Variants in GALNT13 observed in about 807,000 individuals in gnomAD.
GALNT13 encodes the protein polypeptide N-acetylgalactosaminyltransferase 13.
GALNT13 carries 28 observed loss-of-function variants against 64.2 expected under a neutral mutation model. The ratio of observed to expected loss-of-function variants is 0.44; its 90% CI spans 0.32 to 0.60. The LOEUF is 0.60. Ranked by LOEUF, GALNT13 falls within the 20% of genes least tolerant of loss-of-function variation. The probability of loss-of-function intolerance (pLI) is 0.05; values close to 1 mark genes in which losing one functional copy is unlikely to be tolerated. For synonymous variants in GALNT13, 214 were observed against 224.6 expected, an observed-to-expected ratio of 0.95 and a Z score of 0.42; for missense variants, 577 against 669.8, an observed-to-expected ratio of 0.86 and a Z score of 1.53.
intron 9 of GALNT13, among the ~76,000 whole-genome samples, chr2:154,306,902 T>C (rs1425158862): frequency 1.3e-5 from 2 of 152,268 alleles, no homozygotes; most frequent in South Asian, 2.1e-4. Context: ...TCCTAAACCA[T>C]AATTTTTCAT....
chr2:153,478,095 G>C, the GALNT13 span: 1 of 680,444 alleles, frequency 1.5e-6, no homozygotes, highest in East Asian at 2.7e-5. Context: ...GAAACCGGTC[G>C]CTTCTTTCCG....
the GALNT13 span, among the ~76,000 whole-genome samples, chr2:153,592,390 G>A: frequency 6.6e-6 from 1 of 152,274 alleles, no homozygotes; most frequent in African/African-American, 2.4e-5. Context: ...GCAGTGGAAT[G>A]TCTATCACAG....
the GALNT13 span, among the ~76,000 whole-genome samples, chr2:153,447,041 G>A: frequency 1.3e-5 from 2 of 152,078 alleles, no homozygotes; most frequent in African/African-American, 4.8e-5. Context: ...AAAGCTACTG[G>A]CCTATAGAAT....
At chr2:153,226,309 A>G in the GALNT13 span, among the ~76,000 whole-genome samples, 6 of 152,220 alleles carry the variant, frequency 3.9e-5, no homozygotes, top group African/African-American at 1.4e-4. Context: ...TAGTCAACAT[A>G]GAATATTGAA....
chr2:153,138,152 C>G, the GALNT13 span, among the ~76,000 whole-genome samples: 1 of 152,014 alleles, frequency 6.6e-6, no homozygotes, highest in East Asian at 1.9e-4. Context: ...GCAGAAGGTC[C>G]CACAGCTATA....
chr2:153,828,256 C>T, the GALNT13 span, among the ~76,000 whole-genome samples: 1 of 152,252 alleles, frequency 6.6e-6, no homozygotes. Context: ...CCCATAGGGA[C>T]TCTGTGTTGG....
At chr2:154,088,268 A>G (rs547070513) in intron 3 of GALNT13, among the ~76,000 whole-genome samples, 42 of 152,144 alleles carry the variant, frequency 2.8e-4, no homozygotes, top group Non-Finnish European at 5.3e-4. Context: ...ATAGATATGA[A>G]GAAAAAAACT....
chr2:153,921,201 A>G (rs1574118974), intron 2 of GALNT13, among the ~76,000 whole-genome samples: 1 of 152,304 alleles, frequency 6.6e-6, no homozygotes, highest in East Asian at 1.9e-4. Flanking sequence ...ACCATTCACA[A>G]TAGCAGACAT....
At chr2:154,133,534 T>TTTTA (rs1238613797) in intron 3 of GALNT13, among the ~76,000 whole-genome samples, 10 of 77,292 alleles carry the variant, frequency 1.3e-4, no homozygotes, top group East Asian at 1.0e-3. Flanking sequence ...ACAGACCATT[T>TTTTA]TATATATATA....
chr2:153,518,273 G>T, the GALNT13 span, among the ~76,000 whole-genome samples: 3 of 152,070 alleles, frequency 2.0e-5, no homozygotes, highest in Non-Finnish European at 4.4e-5. Flanking sequence ...CATAATGAAA[G>T]TCACACACAA....
chr2:153,142,538 A>G, the GALNT13 span, among the ~76,000 whole-genome samples: 1 of 151,964 alleles, frequency 6.6e-6, no homozygotes, highest in African/African-American at 2.4e-5. Flanking sequence ...TTTTAGCCCA[A>G]TACCTGGGAA....
chr2:153,649,829 A>G, the GALNT13 span, among the ~76,000 whole-genome samples: 1 of 152,048 alleles, frequency 6.6e-6, no homozygotes, highest in Non-Finnish European at 1.5e-5. Context: ...GGTCTGAGAG[A>G]CAGTTTGTTA....
intron 4 of GALNT13, among the ~76,000 whole-genome samples, chr2:154,225,101 G>GAGATGAT (rs1688519800): frequency 7.3e-6 from 1 of 136,110 alleles, no homozygotes; most frequent in African/African-American, 2.8e-5. Flanking sequence ...CACACATGGA[G>GAGATGAT]AGATAGATAG....
At chr2:154,421,542 C>T (rs565019362) in intron 11 of GALNT13, among the ~76,000 whole-genome samples, 1 of 151,904 alleles carries the variant, frequency 6.6e-6, no homozygotes, top group Non-Finnish European at 1.5e-5. Context: ...GGAATTGGAT[C>T]TGAGATATCA....
chr2:153,315,564 A>C, the GALNT13 span, among the ~76,000 whole-genome samples: 1 of 152,242 alleles, frequency 6.6e-6, no homozygotes, highest in Non-Finnish European at 1.5e-5. Context: ...AAAACTAAAA[A>C]GATAACTAGG....
chr2:153,790,667 T>C, the GALNT13 span, among the ~76,000 whole-genome samples: 3 of 152,200 alleles, frequency 2.0e-5, no homozygotes, highest in African/African-American at 2.4e-5. Context: ...AAACTATCCC[T>C]GTTTGCAGAT....
At chr2:153,107,518 G>A in the GALNT13 span, among the ~76,000 whole-genome samples, 1 of 152,058 alleles carries the variant, frequency 6.6e-6, no homozygotes, top group Non-Finnish European at 1.5e-5. Flanking sequence ...ACCAAGCTGA[G>A]TGCATATTTC....
At chr2:154,290,686 G>C (rs1357109203) in intron 8 of GALNT13, among the ~76,000 whole-genome samples, 2 of 152,158 alleles carry the variant, frequency 1.3e-5, no homozygotes, top group African/African-American at 4.8e-5. Context: ...AGAATTGGTG[G>C]ATTCTTGGTC....
intron 8 of GALNT13, among the ~76,000 whole-genome samples, chr2:154,288,261 T>C (rs541349704): frequency 6.6e-6 from 1 of 152,072 alleles, no homozygotes; most frequent in East Asian, 1.9e-4. Flanking sequence ...CCCCCATGAT[T>C]CAAGTACCTC....
Sources: allele counts gnomAD v4.1 joint callset (sites outside exome capture counted in the v4.1 genomes callset), GRCh38; gene constraint gnomAD v4.1.1; transcripts MANE v1.5; gene names NCBI Gene and HGNC (gene_info 2026-07-23, HGNC 2026-07-21).